The following REEP1 variants were observed in gnomAD, a reference collection of about 807,000 sequenced individuals.
REEP1 encodes receptor expression-enhancing protein 1.
In REEP1, 22 loss-of-function variants were observed where a neutral mutation model predicts 40.3. The observed-to-expected ratio is 0.55, with a 90% confidence interval of 0.39 to 0.78. The LOEUF (loss-of-function observed/expected upper bound fraction) is 0.78. Ranked by LOEUF, REEP1 falls within the 30% of genes least tolerant of loss-of-function variation. The pLI is 0.00. For synonymous variants in REEP1, 116 were observed against 139.2 expected (o/e 0.83, Z 1.17); for missense variants, 280 against 361.1 (o/e 0.78, Z 1.82).
chr2:86,275,623 T>C (rs1399795930), intron 2 of REEP1, among the ~76,000 whole-genome samples: 8 of 152,190 alleles, frequency 5.3e-5, no homozygotes, highest in Non-Finnish European at 1.2e-4. Context: ...GAAATCTGTT[T>C]ACCCTGTCTT....
intron 1 of REEP1, among the ~76,000 whole-genome samples, chr2:86,287,651 C>T (rs746126004): frequency 3.3e-5 from 5 of 152,106 alleles, no homozygotes; most frequent in Non-Finnish European, 5.9e-5. Context: ...CAGAAGAATG[C>T]TCCTTGGTTC....
At chr2:86,246,014 T>C (rs2104174267) in intron 5 of REEP1, among the ~76,000 whole-genome samples, 1 of 152,286 alleles carries the variant, frequency 6.6e-6, no homozygotes, top group African/African-American at 2.4e-5. Flanking sequence ...TCCGCCCGCC[T>C]TGGCCTCCCA....
intron 1 of REEP1, among the ~76,000 whole-genome samples, chr2:86,303,752 GA>G (rs769432754): frequency 2.6e-5 from 4 of 152,168 alleles, no homozygotes; most frequent in Non-Finnish European, 5.9e-5. Flanking sequence ...GTAGGTTCTG[GA>G]AGAAGGTAGG....
At chr2:86,282,347 G>A (rs1678142526) in intron 1 of REEP1, 105 bp from the exon 2 acceptor site, 2 of 875,774 alleles carry the variant, frequency 2.3e-6, no homozygotes, top group African/African-American at 1.7e-5. Context: ...TACAGAAAGT[G>A]CTGCTGTGGG....
intron 7 of REEP1, among the ~76,000 whole-genome samples, chr2:86,221,771 A>G (rs1674441463): frequency 6.6e-6 from 1 of 152,308 alleles, no homozygotes; most frequent in South Asian, 2.1e-4. Flanking sequence ...TCCTGAAGTC[A>G]TCTCAGAGAG....
At chr2:86,239,208 C>CAAAAAAAAAAAAAAAAAAAAAAAAAAA (rs35714309) in intron 5 of REEP1, among the ~76,000 whole-genome samples, 1 of 58,348 alleles carries the variant, frequency 1.7e-5, no homozygotes, top group African/African-American at 7.5e-5. Context: ...CCATCTAGAC[C>CAAAAAAAAAAAAAAAAAAAAAAAAAAA]AAAAAAAAAA....
rs191529619 is a variant in REEP1, at chr2:86,285,831, G to A, written c.33-3589C>T. Among the ~76,000 whole-genome samples the A allele has an allele frequency of 8.7e-4, 133 of 152,260 alleles. 1 individual carries two copies. The highest frequency in any genetic ancestry group is 1.1e-3 in the Non-Finnish European group (78 of 67,992). The stretch of plus-strand genomic sequence containing the variant: ...AACTCAGCCCACTTGCTAGACTCAC[G>A]TAACTTTCTAGGAAGTCAGAAAAAA... On this transcript the variant is annotated intron_variant, in intron 1 of 8. Coordinates refer to ENST00000538924, the MANE Select transcript of REEP1 (RefSeq NM_001371279.1).
intron 2 of REEP1, among the ~76,000 whole-genome samples, chr2:86,276,464 C>A (rs1021577357): frequency 6.6e-6 from 1 of 152,188 alleles, no homozygotes; most frequent in African/African-American, 2.4e-5. Flanking sequence ...TCATCAAGGA[C>A]CCTCCTTTAT....
intron 5 of REEP1, among the ~76,000 whole-genome samples, chr2:86,235,358 G>C (rs1675256932): frequency 6.6e-6 from 1 of 152,188 alleles, no homozygotes; most frequent in African/African-American, 2.4e-5. Flanking sequence ...TTGCAGAAGA[G>C]GATCCAAATG....
At chr2:86,233,069 T>C (rs906051828) in intron 5 of REEP1, among the ~76,000 whole-genome samples, 1 of 152,160 alleles carries the variant, frequency 6.6e-6, no homozygotes, top group Non-Finnish European at 1.5e-5. Flanking sequence ...GATACGATGA[T>C]ACGATGATGA....
chr2:86,292,609 A>G (rs10167802), intron 1 of REEP1, among the ~76,000 whole-genome samples: 5,051 of 152,160 alleles, frequency 0.033, 303 homozygotes, highest in African/African-American at 0.12. Context: ...CCCCAGCCAG[A>G]GGGTTCTGTG....
At chr2:86,331,314 G>A (rs1397661899) in intron 1 of REEP1, among the ~76,000 whole-genome samples, 2 of 152,184 alleles carry the variant, frequency 1.3e-5, no homozygotes, top group Non-Finnish European at 2.9e-5. Context: ...CCAGGGAAAT[G>A]CATATCTAGG....
chr2:86,279,328 T>C (rs1463251217), intron 2 of REEP1, among the ~76,000 whole-genome samples: 1 of 152,190 alleles, frequency 6.6e-6, no homozygotes, highest in Non-Finnish European at 1.5e-5. Context: ...GTAATGAAGT[T>C]TGTGCTTGAT....
chr2:86,217,719 G>A (rs1420869302), intron 8 of REEP1, among the ~76,000 whole-genome samples: 2 of 124,962 alleles, frequency 1.6e-5, no homozygotes, highest in Admixed American at 1.9e-4. Context: ...CATTCCAATT[G>A]AGCACCCCAA....
intron 5 of REEP1, among the ~76,000 whole-genome samples, chr2:86,238,830 T>C (rs539901978): frequency 6.6e-6 from 1 of 152,230 alleles, no homozygotes; most frequent in Admixed American, 6.5e-5. Flanking sequence ...GTGTTAGTAT[T>C]TGTCACCACT....
At chr2:86,327,575 T>A (rs899659829) in intron 1 of REEP1, among the ~76,000 whole-genome samples, 7 of 151,008 alleles carry the variant, frequency 4.6e-5, no homozygotes, top group African/African-American at 1.7e-4. Flanking sequence ...TTACTTTTTT[T>A]TTTTTTTTTG....
chr2:86,314,498 C>T (rs1679903161), intron 1 of REEP1, among the ~76,000 whole-genome samples: 1 of 151,744 alleles, frequency 6.6e-6, no homozygotes, highest in South Asian at 2.1e-4. Context: ...CCAGCTAGGA[C>T]AGGAGGCCTA....
At chr2:86,275,584 CT>C (rs992142167) in intron 2 of REEP1, among the ~76,000 whole-genome samples, 23 of 152,208 alleles carry the variant, frequency 1.5e-4, no homozygotes, top group African/African-American at 5.1e-4. Flanking sequence ...ACCTTGGAGC[CT>C]GCTGAAATGA....
chr2:86,334,386 C>T (rs566073409), intron 1 of REEP1, among the ~76,000 whole-genome samples: 2 of 152,130 alleles, frequency 1.3e-5, no homozygotes, highest in Non-Finnish European at 2.9e-5. Flanking sequence ...ATTACTTATA[C>T]AAAACGTGAC....
Sources: gnomAD v4.1 joint callset for allele counts (sites outside exome capture counted in the v4.1 genomes callset) on GRCh38, gnomAD v4.1.1 for gene constraint, MANE v1.5 for transcripts, NCBI Gene and HGNC (gene_info 2026-07-23, HGNC 2026-07-21) for gene names.